The following GTF2F2 variants were observed in gnomAD, a reference collection of about 807,000 sequenced individuals.
GTF2F2 encodes general transcription factor IIF subunit 2.
GTF2F2 carries 23 observed loss-of-function variants against 42.2 expected under a neutral mutation model. The ratio of observed to expected loss-of-function variants is 0.55; its 90% CI spans 0.39 to 0.77. GTF2F2 has a LOEUF of 0.77. Among genes scored for constraint, GTF2F2 ranks in the 30% least tolerant of loss-of-function variants. The probability of loss-of-function intolerance (pLI) is 0.00; values close to 1 mark genes in which losing one functional copy is unlikely to be tolerated. For synonymous variants in GTF2F2, 105 were observed against 100.8 expected, an observed-to-expected ratio of 1.04 and a Z score of -0.25; for missense variants, 261 against 287.2, an observed-to-expected ratio of 0.91 and a Z score of 0.66.
At chr13:45,169,386 G>GCTT (rs1361050950) in intron 4 of GTF2F2, among the ~76,000 whole-genome samples, 6 of 152,158 alleles carry the variant, frequency 3.9e-5, no homozygotes, top group Non-Finnish European at 7.3e-5. Context: ...AAGCCCAGGA[G>GCTT]CTGAGCCTTA....
At chr13:45,251,304 T>A (rs7992459) in intron 5 of GTF2F2, among the ~76,000 whole-genome samples, 41,718 of 152,090 alleles carry the variant, frequency 0.27, 6,624 homozygotes, top group African/African-American at 0.42. Flanking sequence ...GAATTTAAAA[T>A]GGAAATTGTT....
At chr13:45,149,546 A>G (rs1242567520) in intron 2 of GTF2F2, among the ~76,000 whole-genome samples, 2 of 152,108 alleles carry the variant, frequency 1.3e-5, no homozygotes, top group African/African-American at 4.8e-5. Context: ...GTTAAGTGAC[A>G]TAAACTCATA....
chr13:45,137,476 C>T (rs1303784366), intron 2 of GTF2F2, among the ~76,000 whole-genome samples: 1 of 152,232 alleles, frequency 6.6e-6, no homozygotes, highest in Non-Finnish European at 1.5e-5. Context: ...CATCCCAAAA[C>T]TTAGTGGCTT....
At chr13:45,124,629 A>G (rs12856216) in intron 1 of GTF2F2, among the ~76,000 whole-genome samples, 2,022 of 152,096 alleles carry the variant, frequency 0.013, 30 homozygotes, top group South Asian at 0.034. Context: ...CAATGGCACA[A>G]TCTCAGCGCA....
intron 5 of GTF2F2, among the ~76,000 whole-genome samples, chr13:45,214,625 G>A (rs1725103590): frequency 6.6e-6 from 1 of 152,058 alleles, no homozygotes; most frequent in Admixed American, 6.6e-5. Context: ...TGAATATTAG[G>A]AGAAAAATTA....
intron 1 of GTF2F2, among the ~76,000 whole-genome samples, chr13:45,130,520 G>A (rs1430487296): frequency 6.6e-6 from 1 of 152,204 alleles, no homozygotes; most frequent in Non-Finnish European, 1.5e-5. Context: ...AGGAAATCAG[G>A]AGGCTGTTAA....
At chr13:45,197,416 G>A (rs1872954531) in intron 4 of GTF2F2, among the ~76,000 whole-genome samples, 1 of 151,456 alleles carries the variant, frequency 6.6e-6, no homozygotes, top group African/African-American at 2.4e-5. Context: ...GGCTGAGGCA[G>A]GAGAATCGCC....
intron 4 of GTF2F2, among the ~76,000 whole-genome samples, chr13:45,194,946 C>T (rs1872818847): frequency 6.6e-6 from 1 of 152,108 alleles, no homozygotes; most frequent in Non-Finnish European, 1.5e-5. Context: ...TTTCTAAATG[C>T]CTAAGTTATT....
intron 2 of GTF2F2, among the ~76,000 whole-genome samples, chr13:45,149,349 G>C (rs1432790147): frequency 6.6e-6 from 1 of 150,872 alleles, no homozygotes; most frequent in East Asian, 1.9e-4. Flanking sequence ...AGGCTGAAGT[G>C]GGAGGATCAG....
At chr13:45,228,669 CTT>C (rs57570023) in intron 5 of GTF2F2, among the ~76,000 whole-genome samples, 14 of 108,254 alleles carry the variant, frequency 1.3e-4, no homozygotes, top group Admixed American at 1.9e-4. Flanking sequence ...CAGAGTTAAT[CTT>C]TTTTTTTTTT....
intron 4 of GTF2F2, among the ~76,000 whole-genome samples, chr13:45,177,161 G>A (rs1369481625): frequency 6.6e-6 from 1 of 151,700 alleles, no homozygotes; most frequent in Non-Finnish European, 1.5e-5. Flanking sequence ...TGAGAATGAT[G>A]TATTTTTTTT....
At chr13:45,243,218 T>C (rs1272103551) in intron 5 of GTF2F2, among the ~76,000 whole-genome samples, 14 of 152,160 alleles carry the variant, frequency 9.2e-5, no homozygotes, top group Admixed American at 8.5e-4. Context: ...GTACTTTAAA[T>C]CAGGGGTTCC....
intron 4 of GTF2F2, among the ~76,000 whole-genome samples, chr13:45,155,496 G>T (rs9595251): frequency 1.3e-5 from 2 of 151,974 alleles, no homozygotes; most frequent in African/African-American, 4.8e-5. Flanking sequence ...TTTTTGAGAG[G>T]TCTCCTTTGA....
chr13:45,258,282 T>G (rs1876183789), intron 6 of GTF2F2, among the ~76,000 whole-genome samples: 1 of 151,870 alleles, frequency 6.6e-6, no homozygotes, highest in African/African-American at 2.4e-5. Context: ...TACAAATGAT[T>G]TAGGAATACC....
intron 4 of GTF2F2, among the ~76,000 whole-genome samples, chr13:45,191,224 AATATATATATATAT>A (rs1165963910): frequency 6.6e-5 from 5 of 75,346 alleles, no homozygotes; most frequent in South Asian, 7.8e-4. Context: ...ACAAAAAAAA[AATATATATATATAT>A]ATATATATAT....
At chr13:45,201,787 C>T (rs1459695497) in intron 4 of GTF2F2, among the ~76,000 whole-genome samples, 1 of 152,108 alleles carries the variant, frequency 6.6e-6, no homozygotes, top group African/African-American at 2.4e-5. Flanking sequence ...TAGAAAGAAT[C>T]CCATACTATT....
intron 7 of GTF2F2, among the ~76,000 whole-genome samples, chr13:45,275,141 T>G (rs1172580210): frequency 1.3e-5 from 2 of 152,176 alleles, no homozygotes; most frequent in African/African-American, 4.8e-5. Context: ...GATATGTGAT[T>G]TCTTACACCT....
intron 5 of GTF2F2, among the ~76,000 whole-genome samples, chr13:45,212,475 C>CTTTCTTTCTT (rs1873709452): frequency 1.1e-5 from 1 of 90,382 alleles, no homozygotes; most frequent in Non-Finnish European, 2.4e-5. Flanking sequence ...TTCTTTCTTT[C>CTTTCTTTCTT]TTTCTTTCTT....
chr13:45,197,720 G>A (rs1029897745), intron 4 of GTF2F2, among the ~76,000 whole-genome samples: 5 of 152,088 alleles, frequency 3.3e-5, no homozygotes, highest in Non-Finnish European at 7.4e-5. Context: ...AGGGGGTGGC[G>A]AGTGGGTGTT....
Sources: allele counts gnomAD v4.1 joint callset (sites outside exome capture counted in the v4.1 genomes callset), GRCh38; gene constraint gnomAD v4.1.1; transcripts MANE v1.5; gene names NCBI Gene and HGNC (gene_info 2026-07-23, HGNC 2026-07-21).